SLC25A48: variants seen among roughly 807,000 people sequenced by gnomAD.
The protein encoded by SLC25A48 is CTC-321K16.1.
Under a neutral mutation model 32.2 loss-of-function variants are expected in SLC25A48, and 29 were observed. The observed-to-expected ratio is 0.90, with a 90% CI of 0.67 to 1.23. The LOEUF (loss-of-function observed/expected upper bound fraction) is 1.23. SLC25A48 is among the 50% of genes most tolerant of loss of function. The pLI, the probability that SLC25A48 is intolerant of heterozygous loss-of-function variation, is 0.00. For missense variants in SLC25A48, 399 were observed against 422.7 expected, an observed-to-expected ratio of 0.94 and a Z score of 0.49; for synonymous variants, 164 against 172.3, an observed-to-expected ratio of 0.95 and a Z score of 0.38.
chr5:135,793,681 G>T lies in SLC25A48; in HGVS notation c.-520-18842G>T, dbSNP rs1254084969. Among the ~76,000 whole-genome samples the T allele has an allele frequency of 2.0e-5, 3 of 151,504 alleles. No homozygotes were observed. In the East Asian group the frequency reaches 5.8e-4, roughly 29 times the overall value. ...TTTCCATCTTGTTTGTACATCCTGG[G>T]TTTATTATTTGTAATATCCTGGGGA... On this transcript the variant is annotated intron_variant, in intron 3 of 10. Coordinates refer to the SLC25A48 transcript ENST00000646290.
At chr5:135,804,564 C>G (rs1460462312) in intron 3 of SLC25A48, among the ~76,000 whole-genome samples, 1 of 151,492 alleles carries the variant, frequency 6.6e-6, no homozygotes, top group Non-Finnish European at 1.5e-5. Flanking sequence ...AGATATTACT[C>G]CTAATATCAC....
At chr5:135,804,223 C>T (rs762102408) in intron 3 of SLC25A48, among the ~76,000 whole-genome samples, 11 of 151,532 alleles carry the variant, frequency 7.3e-5, no homozygotes, top group African/African-American at 1.9e-4. Flanking sequence ...AATAATGTCA[C>T]GAGGTGTCCA....
At chr5:135,645,472 G>C (rs1212816381) in intron 3 of SLC25A48, among the ~76,000 whole-genome samples, 1 of 152,200 alleles carries the variant, frequency 6.6e-6, no homozygotes, top group East Asian at 1.9e-4. Context: ...TTTCTAATAA[G>C]ATTGATTCAG....
At chr5:135,874,181 C>T in intron 6 of SLC25A48, 27 bp downstream of exon 6, 4 of 1,416,230 alleles carry the variant, frequency 2.8e-6, no homozygotes, top group Non-Finnish European at 3.7e-6. Flanking sequence ...CCTGCGGGGT[C>T]AGTGTCAGTC....
chr5:135,799,948 C>G lies in SLC25A48; in HGVS notation c.-520-12575C>G, dbSNP rs535565913. Among the ~76,000 whole-genome samples the G allele has an allele frequency of 4.0e-5, 6 of 151,820 alleles. No individual in the cohort carries two copies. The South Asian group carries it at 1.2e-3, about 31-fold the overall frequency. The stretch of plus-strand genomic sequence containing the variant: ...GCCTCTGCGATATTGTTCCTAACAT[C>G]TAGATAAGAAGAGAATATCACTCCC... On this transcript the variant is annotated intron_variant, in intron 3 of 10. Transcript: ENST00000646290.
At chr5:135,873,992 C>G (rs1223442206) in intron 5 of SLC25A48, 29 bp from the exon 6 acceptor site, 1 of 1,520,406 alleles carries the variant, frequency 6.6e-7, no homozygotes, top group Non-Finnish European at 8.8e-7. Context: ...AGGAGCTAGC[C>G]CCTGACACCT....
chr5:135,774,193 C>T (rs976540406), intron 3 of SLC25A48, among the ~76,000 whole-genome samples: 1 of 151,674 alleles, frequency 6.6e-6, no homozygotes, highest in African/African-American at 2.4e-5. Flanking sequence ...CTCCAAATAT[C>T]GCAGGGGCTG....
intron 3 of SLC25A48, among the ~76,000 whole-genome samples, chr5:135,686,589 G>A (rs115840196): frequency 0.012 from 1,899 of 152,322 alleles, 48 homozygotes; most frequent in African/African-American, 0.044. Flanking sequence ...ACCTGTCTCC[G>A]CAGACCGAAC....
chr5:135,842,541 ATC>A lies in SLC25A48; in HGVS notation c.90+87_90+88del, dbSNP rs2126705427. ...TCTGGGACTATTCCTGCTGTTTCTA[ATC>A]TCTCAGAGAGTCTTCTGCCCAGGGC... On this transcript the variant is annotated intron_variant, in intron 2 of 7. Coordinates refer to ENST00000681962, the MANE Select transcript of SLC25A48 (RefSeq NM_001349336.2). The A allele has an allele frequency of 3.6e-6, 5 of 1,402,384 alleles. No homozygotes were observed. In the South Asian group the frequency reaches 5.8e-5, roughly 16 times the overall value. The allele number at this position is 1,402,384 out of a possible 1,614,324, so 86.9% of individuals were successfully genotyped here. A position where few individuals can be genotyped will look rare whatever the true frequency, so the allele number is the denominator to read the frequency against.
intron 4 of SLC25A48, among the ~76,000 whole-genome samples, chr5:135,814,733 G>A (rs1334550419): frequency 1.3e-5 from 2 of 152,234 alleles, no homozygotes; most frequent in Non-Finnish European, 2.9e-5. Flanking sequence ...AGTTACATGT[G>A]AGAGTATGCT....
chr5:135,849,856 G>A (rs1424365464), intron 2 of SLC25A48, among the ~76,000 whole-genome samples: 3 of 152,134 alleles, frequency 2.0e-5, no homozygotes, highest in Non-Finnish European at 4.4e-5. Context: ...AGAGACAGGT[G>A]CCTCCCAGGC....
At chr5:135,785,902 G>T (rs1417043867) in intron 3 of SLC25A48, among the ~76,000 whole-genome samples, 1 of 151,458 alleles carries the variant, frequency 6.6e-6, no homozygotes, top group Non-Finnish European at 1.5e-5. Flanking sequence ...CATGGGGCGG[G>T]GTGTAGAGCA....
At chr5:135,668,608 A>T (rs1753577402) in intron 3 of SLC25A48, among the ~76,000 whole-genome samples, 1 of 152,190 alleles carries the variant, frequency 6.6e-6, no homozygotes, top group African/African-American at 2.4e-5. Context: ...TCCTTGAAGG[A>T]CTCACTGTTT....
At chr5:135,639,053 A>C (rs1752772448) in intron 3 of SLC25A48, among the ~76,000 whole-genome samples, 1 of 152,254 alleles carries the variant, frequency 6.6e-6, no homozygotes, top group Non-Finnish European at 1.5e-5. Flanking sequence ...TATTAGTCTC[A>C]TAGCCACGCT....
intron 1 of SLC25A48, among the ~76,000 whole-genome samples, chr5:135,593,788 G>T (rs1751582203): frequency 6.6e-6 from 1 of 152,342 alleles, no homozygotes; most frequent in South Asian, 2.1e-4. Context: ...CATAGCGTTA[G>T]TTGTAATTAA....
chr5:135,879,249 A>T (rs1368519103), intron 6 of SLC25A48, among the ~76,000 whole-genome samples: 3 of 152,142 alleles, frequency 2.0e-5, no homozygotes, highest in Non-Finnish European at 4.4e-5. Flanking sequence ...AAGGAGGGTG[A>T]TGATGATAAT....
chr5:135,844,164 T>C (rs1759230227), intron 2 of SLC25A48, among the ~76,000 whole-genome samples: 1 of 152,180 alleles, frequency 6.6e-6, no homozygotes, highest in Admixed American at 6.5e-5. Flanking sequence ...CCCTAGCCTG[T>C]GGCCTCTGAC....
At chr5:135,782,687 G>A (rs1756743121) in intron 3 of SLC25A48, among the ~76,000 whole-genome samples, 1 of 118,090 alleles carries the variant, frequency 8.5e-6, no homozygotes, top group African/African-American at 2.6e-5. Flanking sequence ...ACCAGGAAGG[G>A]AGAGGATATT....
At chr5:135,699,745 T>C (rs1754348289) in intron 3 of SLC25A48, among the ~76,000 whole-genome samples, 1 of 152,232 alleles carries the variant, frequency 6.6e-6, no homozygotes, top group South Asian at 2.1e-4. Context: ...ATAGACTGCC[T>C]AGTGAGGGTC....
Sources: gnomAD v4.1 joint callset for allele counts (sites outside exome capture counted in the v4.1 genomes callset) on GRCh38, gnomAD v4.1.1 for gene constraint, MANE v1.5 for transcripts, NCBI Gene and HGNC (gene_info 2026-07-23, HGNC 2026-07-21) for gene names.